The following SEPTIN7 variants were observed in gnomAD, a reference collection of about 807,000 sequenced individuals.
SEPTIN7 encodes septin-7.
SEPTIN7 carries 10 observed loss-of-function variants against 63.3 expected under a neutral mutation model. The observed-to-expected ratio is 0.16, with a 90% CI of 0.10 to 0.27. SEPTIN7 has a LOEUF of 0.27. Ranked by LOEUF, SEPTIN7 falls within the 10% of genes least tolerant of loss-of-function variation. SEPTIN7 has a pLI of 1.00. For missense variants in SEPTIN7, 310 were observed against 521.0 expected, an observed-to-expected ratio of 0.59 and a Z score of 3.94; for synonymous variants, 131 against 165.3, an observed-to-expected ratio of 0.79 and a Z score of 1.59.
At chr7:35,810,861 G>T (rs1300623791) in intron 1 of SEPTIN7, among the ~76,000 whole-genome samples, 1 of 150,364 alleles carries the variant, frequency 6.7e-6, no homozygotes, top group Non-Finnish European at 1.5e-5. Flanking sequence ...CCACCTCCCT[G>T]GTTCAAGCAA....
At chr7:35,812,150 A>G (rs951114837) in intron 1 of SEPTIN7, 1 of 191,418 alleles carries the variant, frequency 5.2e-6, no homozygotes, top group African/African-American at 2.4e-5. Context: ...AAACAAAAAA[A>G]AAACAGTTTT....
chr7:35,868,003 G>T (rs888385263), intron 4 of SEPTIN7, among the ~76,000 whole-genome samples: 1 of 151,744 alleles, frequency 6.6e-6, no homozygotes, highest in Non-Finnish European at 1.5e-5. Context: ...CTCCCGGGTA[G>T]CTGGGATTAC....
At chr7:35,823,937 T>A (rs181865597) in intron 1 of SEPTIN7, among the ~76,000 whole-genome samples, 18 of 152,258 alleles carry the variant, frequency 1.2e-4, no homozygotes, top group African/African-American at 4.3e-4. Flanking sequence ...ATAAATGTTA[T>A]CTGTGTCCTT....
At chr7:35,880,076 ACT>A (rs1786735672) in intron 7 of SEPTIN7, 136 bp downstream of exon 7, 2 of 594,396 alleles carry the variant, frequency 3.4e-6, no homozygotes, top group African/African-American at 1.9e-5. Flanking sequence ...ATTAGAAATA[ACT>A]CTTCAATCTT....
At chr7:35,894,036 G>C (rs531751042) in intron 11 of SEPTIN7, among the ~76,000 whole-genome samples, 14 of 152,156 alleles carry the variant, frequency 9.2e-5, no homozygotes, top group African/African-American at 3.4e-4. Context: ...ATTCAGCAAG[G>C]GTTTGTAAAG....
intron 6 of SEPTIN7, 26 bp from the exon 7 acceptor site, chr7:35,879,797 G>A: frequency 7.8e-7 from 1 of 1,285,252 alleles, no homozygotes. Flanking sequence ...GATCAATTCA[G>A]TCAAATTAAA....
chr7:35,874,449 T>C (rs1786348641), intron 6 of SEPTIN7, among the ~76,000 whole-genome samples: 1 of 152,240 alleles, frequency 6.6e-6, no homozygotes, highest in African/African-American at 2.4e-5. Flanking sequence ...TATTGACAAC[T>C]GCAGAATTTT....
chr7:35,868,497 T>C (rs1010782660), intron 4 of SEPTIN7, among the ~76,000 whole-genome samples: 2 of 151,920 alleles, frequency 1.3e-5, no homozygotes, highest in African/African-American at 4.8e-5. Context: ...AAAGATGCTT[T>C]TGTAAGGTGC....
chr7:35,914,120 T>C, the SEPTIN7 span, among the ~76,000 whole-genome samples: 2 of 152,236 alleles, frequency 1.3e-5, no homozygotes, highest in Admixed American at 6.5e-5. Flanking sequence ...GAATGAGGTA[T>C]TCCTTTATTT....
intron 1 of SEPTIN7, among the ~76,000 whole-genome samples, chr7:35,823,556 T>G (rs1783344780): frequency 6.6e-6 from 1 of 152,218 alleles, no homozygotes; most frequent in Non-Finnish European, 1.5e-5. Flanking sequence ...ATCCTCTCCA[T>G]TTTCATTCAC....
At chr7:35,812,873 A>C (rs1562736550) in intron 1 of SEPTIN7, among the ~76,000 whole-genome samples, 1 of 152,222 alleles carries the variant, frequency 6.6e-6, no homozygotes, top group Non-Finnish European at 1.5e-5. Flanking sequence ...CTTGTTAAAA[A>C]TATTATTTCT....
At chr7:35,901,993 T>G (rs1788351405) in intron 12 of SEPTIN7, 1 of 151,202 alleles carries the variant, frequency 6.6e-6, no homozygotes, top group Non-Finnish European at 1.5e-5. Context: ...TGAAGTCACT[T>G]CGGGCTTGCA....
At chr7:35,867,822 T>G (rs1785907783) in intron 4 of SEPTIN7, among the ~76,000 whole-genome samples, 1 of 152,092 alleles carries the variant, frequency 6.6e-6, no homozygotes, top group South Asian at 2.1e-4. Context: ...AAGTTCTTAG[T>G]TGGAAACTAC....
chr7:35,813,907 A>G (rs1346865640), intron 1 of SEPTIN7, among the ~76,000 whole-genome samples: 1 of 152,204 alleles, frequency 6.6e-6, no homozygotes, highest in Non-Finnish European at 1.5e-5. Context: ...CATTACATCA[A>G]TAATGTATTG....
At chr7:35,911,389 T>C (rs1435574776), downstream of SEPTIN7, among the ~76,000 whole-genome samples, 1 of 152,164 alleles carries the variant, frequency 6.6e-6, no homozygotes, top group African/African-American at 2.4e-5. Context: ...TCTGCTCCTA[T>C]ATTTGAGGCA....
chr7:35,837,699 T>G (rs1378332153), intron 3 of SEPTIN7, among the ~76,000 whole-genome samples: 2 of 152,178 alleles, frequency 1.3e-5, no homozygotes, highest in Non-Finnish European at 2.9e-5. Flanking sequence ...CGTGGTATCT[T>G]ATTTTCATCT....
At chr7:35,902,933 G>A in intron 12 of SEPTIN7, 143 bp from the exon 13 acceptor site, 2 of 1,237,148 alleles carry the variant, frequency 1.6e-6, no homozygotes, top group Non-Finnish European at 2.1e-6. Context: ...CTTGACCAGA[G>A]TACTTCCAGG....
At chr7:35,853,427 G>A (rs999343717) in intron 3 of SEPTIN7, among the ~76,000 whole-genome samples, 1 of 152,106 alleles carries the variant, frequency 6.6e-6, no homozygotes, top group African/African-American at 2.4e-5. Context: ...TCTCCTCGGG[G>A]CTGGGCGGGG....
downstream of SEPTIN7, among the ~76,000 whole-genome samples, chr7:35,907,913 T>G (rs1353393539): frequency 2.6e-5 from 4 of 152,186 alleles, no homozygotes; most frequent in Non-Finnish European, 1.5e-5. Context: ...CGTTAAGGTG[T>G]CCAGACCTCG....
Sources: allele counts gnomAD v4.1 joint callset (sites outside exome capture counted in the v4.1 genomes callset), GRCh38; gene constraint gnomAD v4.1.1; transcripts MANE v1.5; gene names NCBI Gene and HGNC (gene_info 2026-07-23, HGNC 2026-07-21).